DIAPH3: variants seen among roughly 807,000 people sequenced by gnomAD.
DIAPH3 encodes the protein protein diaphanous homolog 3.
Under a neutral mutation model 144.3 loss-of-function variants are expected in DIAPH3, and 117 were observed. That is an observed-to-expected ratio of 0.81 (90% confidence interval 0.70 to 0.95). The LOEUF (loss-of-function observed/expected upper bound fraction) is 0.95, where lower values mean the gene tolerates loss of function less well. DIAPH3 is among the 40% of genes least tolerant of loss of function. The pLI is 0.00. For missense variants in DIAPH3, 1,421 were observed against 1,412.7 expected (o/e 1.01, Z -0.09); for synonymous variants, 519 against 488.9 (o/e 1.06, Z -0.81).
At chr13:59,707,439 G>A (rs143071281) in intron 27 of DIAPH3, among the ~76,000 whole-genome samples, 403 of 152,208 alleles carry the variant, frequency 2.6e-3, no homozygotes, top group Non-Finnish European at 4.5e-3. Context: ...CAGTTACAAC[G>A]TATCAAGAAG....
At chr13:60,008,061 T>A (rs540552986) in intron 9 of DIAPH3, among the ~76,000 whole-genome samples, 3 of 152,198 alleles carry the variant, frequency 2.0e-5, no homozygotes, top group African/African-American at 4.8e-5. Flanking sequence ...ATCTATAAGA[T>A]AAATTATGAC....
At chr13:60,116,696 T>C (rs2058713760) in intron 2 of DIAPH3, among the ~76,000 whole-genome samples, 1 of 152,016 alleles carries the variant, frequency 6.6e-6, no homozygotes, top group Non-Finnish European at 1.5e-5. Context: ...TGTAAACATG[T>C]CAATAAATGG....
At chr13:60,129,152 GA>G (rs2059071555) in intron 2 of DIAPH3, among the ~76,000 whole-genome samples, 1 of 152,132 alleles carries the variant, frequency 6.6e-6, no homozygotes, top group Non-Finnish European at 1.5e-5. Context: ...TGGACACACT[GA>G]TGGATAATTT....
intron 4 of DIAPH3, among the ~76,000 whole-genome samples, chr13:60,055,106 T>C (rs948321735): frequency 6.6e-6 from 1 of 151,716 alleles, no homozygotes; most frequent in African/African-American, 2.4e-5. Context: ...GGTTTTAGAG[T>C]ACATTAAAAA....
At chr13:60,015,272 T>C (rs1476902148) in intron 7 of DIAPH3, among the ~76,000 whole-genome samples, 1 of 152,142 alleles carries the variant, frequency 6.6e-6, no homozygotes, top group East Asian at 1.9e-4. Context: ...GGTAAGATTA[T>C]AGGTGAGAGC....
At chr13:59,807,054 T>A (rs952306952) in intron 25 of DIAPH3, among the ~76,000 whole-genome samples, 1 of 151,916 alleles carries the variant, frequency 6.6e-6, no homozygotes, top group African/African-American at 2.4e-5. Context: ...CTGTATTATT[T>A]GTGATTTTTT....
intron 24 of DIAPH3, among the ~76,000 whole-genome samples, chr13:59,814,947 C>T (rs2040688729): frequency 6.6e-6 from 1 of 152,216 alleles, no homozygotes; most frequent in South Asian, 2.1e-4. Context: ...ATTTGTCTCT[C>T]AGTGAATGGC....
chr13:60,117,782 A>G (rs534067653), intron 2 of DIAPH3, among the ~76,000 whole-genome samples: 1 of 152,296 alleles, frequency 6.6e-6, no homozygotes, highest in South Asian at 2.1e-4. Context: ...ACATAAAAAT[A>G]TGACAGGAAT....
At chr13:59,861,112 A>AAAAGTG in intron 22 of DIAPH3, 1 of 873,416 alleles carries the variant, frequency 1.1e-6, no homozygotes, top group South Asian at 2.0e-5. Flanking sequence ...ACCCTGGCCA[A>AAAAGTG]AAAGTGCAGG....
chr13:59,842,692 T>TC (rs2042416447), intron 22 of DIAPH3, among the ~76,000 whole-genome samples: 1 of 151,914 alleles, frequency 6.6e-6, no homozygotes, highest in Non-Finnish European at 1.5e-5. Flanking sequence ...TTCCCAAAAC[T>TC]CCCTTCCCTG....
At chr13:60,119,755 A>T (rs1269248271) in intron 2 of DIAPH3, among the ~76,000 whole-genome samples, 14 of 150,514 alleles carry the variant, frequency 9.3e-5, no homozygotes, top group African/African-American at 3.2e-4. Context: ...TCAAAAAAAA[A>T]AAAAAAAAAA....
intron 27 of DIAPH3, among the ~76,000 whole-genome samples, chr13:59,696,607 G>A (rs1273185624): frequency 6.6e-6 from 1 of 152,204 alleles, no homozygotes; most frequent in African/African-American, 2.4e-5. Context: ...AGGCATTAAT[G>A]TGGGTTTTAT....
chr13:60,019,740 T>C (rs541044409), intron 5 of DIAPH3, among the ~76,000 whole-genome samples: 10 of 152,230 alleles, frequency 6.6e-5, no homozygotes, highest in African/African-American at 2.4e-4. Context: ...AGGATGAAAC[T>C]GAAAGTGTGT....
chr13:59,712,311 T>C (rs1012896807), intron 27 of DIAPH3, among the ~76,000 whole-genome samples: 1 of 152,250 alleles, frequency 6.6e-6, no homozygotes, highest in Admixed American at 6.5e-5. Flanking sequence ...ACTTTTTGTC[T>C]GGCTTCTCTT....
chr13:60,014,892 C>CA (rs1167616405), intron 7 of DIAPH3, among the ~76,000 whole-genome samples: 1 of 151,776 alleles, frequency 6.6e-6, no homozygotes, highest in African/African-American at 2.4e-5. Flanking sequence ...AGTATAAAAG[C>CA]AAAAAAGAAA....
intron 27 of DIAPH3, among the ~76,000 whole-genome samples, chr13:59,713,400 T>C (rs948155813): frequency 1.3e-5 from 2 of 152,140 alleles, no homozygotes; most frequent in African/African-American, 2.4e-5. Flanking sequence ...ATAAATGATC[T>C]CAAATGTGTC....
chr13:59,742,358 T>A (rs936214432), intron 27 of DIAPH3, among the ~76,000 whole-genome samples: 3 of 151,974 alleles, frequency 2.0e-5, no homozygotes, highest in Admixed American at 6.5e-5. Flanking sequence ...TATGCTTAGG[T>A]TTGATGAAAA....
intron 17 of DIAPH3, among the ~76,000 whole-genome samples, chr13:59,941,788 A>T (rs1028176982): frequency 6.6e-6 from 1 of 152,190 alleles, no homozygotes; most frequent in Admixed American, 6.5e-5. Context: ...ATTAGGAAAA[A>T]AAATGTATAC....
intron 17 of DIAPH3, among the ~76,000 whole-genome samples, chr13:59,939,835 C>CGTGTGTGTGTGTGT (rs3220859): frequency 7.4e-4 from 108 of 146,760 alleles, no homozygotes; most frequent in Admixed American, 1.7e-3. Flanking sequence ...GAGAATGAGG[C>CGTGTGTGTGTGTGT]GTGTGTGTGT....
Sources: gnomAD v4.1 joint callset for allele counts (sites outside exome capture counted in the v4.1 genomes callset) on GRCh38, gnomAD v4.1.1 for gene constraint, MANE v1.5 for transcripts, NCBI Gene and HGNC (gene_info 2026-07-23, HGNC 2026-07-21) for gene names.